The following ZFHX3 variants were observed in gnomAD, a reference collection of about 807,000 sequenced individuals.
The protein encoded by ZFHX3 is zinc finger homeobox 3.
In ZFHX3, 42 loss-of-function variants were observed where a neutral mutation model predicts 279.1. That is an observed-to-expected ratio of 0.15 (90% confidence interval 0.12 to 0.19). ZFHX3 has a LOEUF of 0.19. Among genes scored for constraint, ZFHX3 ranks in the 10% least tolerant of loss-of-function variants. ZFHX3 has a pLI of 1.00. For missense variants in ZFHX3, 4,981 were observed against 4,754.0 expected (o/e 1.05, Z -1.40); for synonymous variants, 2,293 against 1,957.8 (o/e 1.17, Z -4.52).
chr16:73,759,315 T>C (rs1385131287), intron 1 of ZFHX3, among the ~76,000 whole-genome samples: 1 of 152,112 alleles, frequency 6.6e-6, no homozygotes, highest in Non-Finnish European at 1.5e-5. Context: ...ATTCTGCCAG[T>C]GGGAAGGGAA....
intron 1 of ZFHX3, among the ~76,000 whole-genome samples, chr16:73,802,640 A>G (rs1007009094): frequency 2.0e-5 from 3 of 152,202 alleles, no homozygotes; most frequent in African/African-American, 7.2e-5. Context: ...GTCACACTGT[A>G]GGCACAAAGT....
intron 3 of ZFHX3, among the ~76,000 whole-genome samples, chr16:73,321,498 C>G (rs1375183523): frequency 3.3e-5 from 5 of 152,204 alleles, no homozygotes; most frequent in Admixed American, 1.3e-4. Flanking sequence ...TTGGACCCAG[C>G]CAGTTGCAGC....
Position 73,860,983 on chromosome 16 carries a change from G to A in ZFHX3, c.-1608+30668C>T, listed in dbSNP as rs115342482. On this transcript the variant is annotated intron_variant, in intron 1 of 17. Transcript: ENST00000641206. The stretch of plus-strand genomic sequence containing the variant: ...TAACACTGCTTGTATATTTTTTGCA[G>A]ATTTTTTTTTTTTTTTTGAGACAGG... 1.0e-3 allele frequency among the ~76,000 whole-genome samples: 149 copies of A among 142,380 alleles called. 1 individual carries two copies. Among genetic ancestry groups the A allele is most frequent in the African/African-American group, 4.0e-3 (141 of 35,048 alleles). 93.4% of individuals were successfully genotyped at this position (142,380 alleles called of 152,430 possible). A position where few individuals can be genotyped will look rare whatever the true frequency, so the allele number is the denominator to read the frequency against.
chr16:73,093,939 G>A (rs979604825), intron 7 of ZFHX3, among the ~76,000 whole-genome samples: 3 of 152,186 alleles, frequency 2.0e-5, no homozygotes, highest in African/African-American at 7.2e-5. Flanking sequence ...CAGGGATGTA[G>A]CCGGCATGGC....
chr16:73,025,470 A>T (rs1015908514), intron 1 of ZFHX3, among the ~76,000 whole-genome samples: 2 of 152,216 alleles, frequency 1.3e-5, no homozygotes, highest in African/African-American at 4.8e-5. Flanking sequence ...CGTATTGTGG[A>T]GCCCTCACGG....
intron 4 of ZFHX3, among the ~76,000 whole-genome samples, chr16:72,869,511 T>C (rs2038103215): frequency 6.6e-6 from 1 of 152,254 alleles, no homozygotes; most frequent in African/African-American, 2.4e-5. Context: ...TATTCTGTAA[T>C]AGTTTCTTTG....
At chr16:73,119,940 C>T (rs995448449) in intron 7 of ZFHX3, among the ~76,000 whole-genome samples, 2 of 152,286 alleles carry the variant, frequency 1.3e-5, no homozygotes, top group East Asian at 1.9e-4. Flanking sequence ...TTGCTTGAGG[C>T]TGAGCTTTCT....
At chr16:73,523,901 G>A (rs752924816) in intron 2 of ZFHX3, among the ~76,000 whole-genome samples, 1 of 152,166 alleles carries the variant, frequency 6.6e-6, no homozygotes, top group Non-Finnish European at 1.5e-5. Flanking sequence ...AAAGGGGATG[G>A]TCAACTGATT....
chr16:72,963,061 G>T (rs1219412523), intron 1 of ZFHX3, among the ~76,000 whole-genome samples: 1 of 152,222 alleles, frequency 6.6e-6, no homozygotes, highest in Admixed American at 6.5e-5. Context: ...TCGGCAGGTC[G>T]ATCAGCACTC....
chr16:73,015,567 C>T (rs1964073237), intron 1 of ZFHX3: 2 of 152,236 alleles, frequency 1.3e-5, no homozygotes, highest in Admixed American at 1.3e-4. Context: ...AGAAGAATCC[C>T]TGGATCCACA....
intron 3 of ZFHX3, among the ~76,000 whole-genome samples, chr16:73,411,295 T>C (rs2017461270): frequency 6.6e-6 from 1 of 152,234 alleles, no homozygotes; most frequent in Non-Finnish European, 1.5e-5. Flanking sequence ...AATTAAATTT[T>C]ATAGGAGATT....
intron 2 of ZFHX3, among the ~76,000 whole-genome samples, chr16:73,675,825 C>T (rs569172806): frequency 6.6e-6 from 1 of 152,130 alleles, no homozygotes; most frequent in African/African-American, 2.4e-5. Context: ...CACGCACGCA[C>T]ATATGCACAC....
chr16:73,622,246 T>G (rs1343583837), intron 2 of ZFHX3, among the ~76,000 whole-genome samples: 1 of 152,072 alleles, frequency 6.6e-6, no homozygotes, highest in East Asian at 1.9e-4. Context: ...CTTACAGAAT[T>G]TGGAGAGTTC....
chr16:72,841,355 TC>T (rs1162330446), intron 4 of ZFHX3, among the ~76,000 whole-genome samples: 2 of 152,038 alleles, frequency 1.3e-5, no homozygotes, highest in Non-Finnish European at 2.9e-5. Flanking sequence ...ACAGAGAAAA[TC>T]CAAAGGTTTA....
At chr16:72,912,176 C>G (rs560905374) in intron 3 of ZFHX3, among the ~76,000 whole-genome samples, 1 of 152,196 alleles carries the variant, frequency 6.6e-6, no homozygotes, top group Non-Finnish European at 1.5e-5. Flanking sequence ...GGCAGGAGCT[C>G]GACCCTGCCA....
intron 2 of ZFHX3, among the ~76,000 whole-genome samples, chr16:73,556,542 G>A (rs534185181): frequency 4.9e-4 from 74 of 152,180 alleles, no homozygotes; most frequent in African/African-American, 1.7e-3. Flanking sequence ...AGCTCTGGAC[G>A]GCACCAAAGA....
chr16:73,613,179 C>A (rs1434227896), intron 2 of ZFHX3, among the ~76,000 whole-genome samples: 2 of 152,156 alleles, frequency 1.3e-5, no homozygotes, highest in Non-Finnish European at 2.9e-5. Context: ...CAAATCCAGA[C>A]TTCCCTTGTT....
In ZFHX3 at chr16:72,950,394, G is replaced by A. The variant is rs544942223; in HGVS notation, c.3216+75C>T. 1.5e-5 allele frequency: 24 copies of A among 1,562,282 alleles called. No individual in the cohort carries two copies. In the African/African-American group the frequency reaches 2.4e-4, roughly 16 times the overall value. ...CCAGAGACTGTCCGACTCCTCCCCA[G>A]TGCTCCCTAACTCCCCGGTGCGCAA... On this transcript the variant is annotated intron_variant, in intron 3 of 9. Coordinates refer to ENST00000268489, the MANE Select transcript of ZFHX3 (RefSeq NM_006885.4).
intron 1 of ZFHX3, chr16:73,815,696 G>A (rs1256001018): frequency 6.6e-6 from 1 of 151,996 alleles, no homozygotes; most frequent in African/African-American, 2.4e-5. Flanking sequence ...CGAGTAAGTG[G>A]GACTACAGGC....
Sources: allele counts gnomAD v4.1 joint callset (sites outside exome capture counted in the v4.1 genomes callset), GRCh38; gene constraint gnomAD v4.1.1; transcripts MANE v1.5; gene names NCBI Gene and HGNC (gene_info 2026-07-23, HGNC 2026-07-21).